TENM1: variants seen among roughly 807,000 people sequenced by gnomAD.
The protein encoded by TENM1 is teneurin-1.
TENM1 carries 35 observed loss-of-function variants against 174.8 expected under a neutral mutation model. The observed-to-expected ratio is 0.20, with a 90% CI of 0.15 to 0.27. The LOEUF (loss-of-function observed/expected upper bound fraction) is 0.27. Among genes scored for constraint, TENM1 ranks in the 10% least tolerant of loss-of-function variants. The pLI, the probability that TENM1 is intolerant of heterozygous loss-of-function variation, is 1.00. For missense variants in TENM1, 1,633 were observed against 2,130.1 expected (o/e 0.77, Z 4.59); for synonymous variants, 781 against 798.7 (o/e 0.98, Z 0.37).
chrX:125,112,728 GTTA>G, the TENM1 span, among the ~76,000 whole-genome samples: 1 of 111,447 alleles, frequency 9.0e-6, no homozygotes, highest in African/African-American at 3.3e-5. Flanking sequence ...TTAAAAATTT[GTTA>G]TTATATATAG....
chrX:124,679,725 C>T (rs957728869), intron 5 of TENM1, among the ~76,000 whole-genome samples: 1 of 111,503 alleles, frequency 9.0e-6, no homozygotes, highest in African/African-American at 3.3e-5. Context: ...GGATTGAAAA[C>T]TATTAGTTTC....
intron 31 of TENM1, among the ~76,000 whole-genome samples, chrX:124,381,749 G>A (rs941467538): frequency 9.0e-6 from 1 of 111,348 alleles, no homozygotes; most frequent in African/African-American, 3.3e-5. Context: ...TGGCAAATCA[G>A]CCAGAAATTC....
the TENM1 span, among the ~76,000 whole-genome samples, chrX:125,191,931 T>G: frequency 1.9e-4 from 21 of 110,347 alleles, no homozygotes; most frequent in African/African-American, 6.3e-4. Flanking sequence ...AGGTTTTTTT[T>G]TTGTTTTTTT....
At chrX:124,402,149 C>T (rs1219031167) in intron 27 of TENM1, among the ~76,000 whole-genome samples, 1 of 112,281 alleles carries the variant, frequency 8.9e-6, no homozygotes, top group Non-Finnish European at 1.9e-5. Flanking sequence ...GGGCCTTGGT[C>T]TCCTTATCTG....
chrX:124,824,817 A>G (rs2056118237), intron 3 of TENM1, among the ~76,000 whole-genome samples: 1 of 111,750 alleles, frequency 8.9e-6, no homozygotes, highest in Admixed American at 9.5e-5. Flanking sequence ...TATACTGTGT[A>G]GTACTACTAA....
In TENM1 at chrX:124,427,357, C is replaced by T. The variant is rs150935256; in HGVS notation, c.4105-4719G>A. On this transcript the variant is annotated intron_variant, in intron 23 of 31. Transcript: ENST00000422452. ...TCACCCAACCAGATTTAAACCAATA[C>T]GATTGGTGTCATGTTTATTATATTT... 9.9e-3 allele frequency among the ~76,000 whole-genome samples: 1,108 copies of T among 112,171 alleles called. 12 individuals carry two copies. The highest frequency in any genetic ancestry group is 0.034 in the African/African-American group (1,049 of 30,894).
chrX:124,684,446 T>G (rs987761329), intron 5 of TENM1, among the ~76,000 whole-genome samples: 18 of 112,144 alleles, frequency 1.6e-4, no homozygotes, highest in African/African-American at 5.5e-4. Flanking sequence ...GAGAGTGAAG[T>G]AAACACCTAA....
At chrX:124,877,137 C>T (rs1361608103) in intron 3 of TENM1, among the ~76,000 whole-genome samples, 3 of 111,932 alleles carry the variant, frequency 2.7e-5, no homozygotes, top group Non-Finnish European at 5.6e-5. Context: ...AATAGGTGAT[C>T]ATACAGAGGA....
At chrX:124,964,840 GATTTT>G (rs909057411), upstream of TENM1, among the ~76,000 whole-genome samples, 25 of 112,151 alleles carry the variant, frequency 2.2e-4, no homozygotes, top group Non-Finnish European at 4.1e-4. Flanking sequence ...TTAACTTTAT[GATTTT>G]ATTTTGCAGT....
chrX:125,117,345 T>A, the TENM1 span, among the ~76,000 whole-genome samples: 2 of 112,099 alleles, frequency 1.8e-5, no homozygotes, highest in African/African-American at 6.5e-5. Context: ...ATGTGGCACA[T>A]CTACACCATG....
chrX:124,797,484 T>G (rs970695725), intron 3 of TENM1, among the ~76,000 whole-genome samples: 2 of 111,222 alleles, frequency 1.8e-5, no homozygotes, highest in Admixed American at 1.9e-4. Flanking sequence ...TTCAAGAACT[T>G]CCTTTCAAAG....
At chrX:124,589,585 A>G (rs1379363269) in intron 11 of TENM1, among the ~76,000 whole-genome samples, 2 of 110,513 alleles carry the variant, frequency 1.8e-5, no homozygotes, top group African/African-American at 6.6e-5. Flanking sequence ...TACTACTTCA[A>G]TTTTGGAACT....
chrX:125,050,504 T>C, the TENM1 span, among the ~76,000 whole-genome samples: 1 of 111,752 alleles, frequency 8.9e-6, no homozygotes, highest in East Asian at 2.8e-4. Context: ...TCCTGTTTTA[T>C]GGCTGCATAG....
At chrX:124,554,637 A>C (rs144878777) in intron 14 of TENM1, among the ~76,000 whole-genome samples, 1 of 112,270 alleles carries the variant, frequency 8.9e-6, no homozygotes, top group Non-Finnish European at 1.9e-5. Flanking sequence ...AAATGTTATA[A>C]ATTCATTGTT....
chrX:125,021,945 AATT>A, the TENM1 span, among the ~76,000 whole-genome samples: 2 of 112,788 alleles, frequency 1.8e-5, no homozygotes, highest in African/African-American at 3.2e-5. Context: ...AAGTGTCAGA[AATT>A]ATTATCCCTT....
intron 1 of TENM1, among the ~76,000 whole-genome samples, chrX:124,954,514 A>G (rs73215178): frequency 6.6e-4 from 74 of 111,876 alleles, no homozygotes; most frequent in Non-Finnish European, 1.2e-3. Flanking sequence ...ATATAAGGAA[A>G]TATTACCTCT....
At chrX:125,124,723 T>G in the TENM1 span, among the ~76,000 whole-genome samples, 1 of 112,420 alleles carries the variant, frequency 8.9e-6, no homozygotes, top group East Asian at 2.8e-4. Context: ...ATTCCAAACT[T>G]AAAGTGTGTA....
chrX:124,753,293 T>G (rs1435432610), intron 3 of TENM1, among the ~76,000 whole-genome samples: 1 of 109,896 alleles, frequency 9.1e-6, no homozygotes, highest in East Asian at 2.8e-4. Context: ...TCTGTTTGTC[T>G]GTTACTGGTG....
intron 1 of TENM1, among the ~76,000 whole-genome samples, chrX:124,951,506 C>T (rs1209174699): frequency 9.2e-6 from 1 of 109,267 alleles, no homozygotes; most frequent in East Asian, 2.9e-4. Context: ...AAATTTTAGA[C>T]TAACTCTTGT....
Sources: allele counts gnomAD v4.1 joint callset (sites outside exome capture counted in the v4.1 genomes callset), GRCh38; gene constraint gnomAD v4.1.1; transcripts MANE v1.5; gene names NCBI Gene and HGNC (gene_info 2026-07-23, HGNC 2026-07-21).